SELE: variants seen among roughly 807,000 people sequenced by gnomAD.
The protein encoded by SELE is E-selectin.
A neutral mutation model predicts 75.8 loss-of-function variants in SELE; 52 were observed. That is an observed-to-expected ratio of 0.69 (90% CI 0.55 to 0.86). The LOEUF (loss-of-function observed/expected upper bound fraction) is 0.86. Ranked by LOEUF, SELE falls within the 40% of genes least tolerant of loss-of-function variation. The pLI is 0.00. For missense variants in SELE, 754 were observed against 732.7 expected (o/e 1.03, Z -0.34); for synonymous variants, 285 against 258.7 (o/e 1.10, Z -0.98).
Position 169,729,264 on chromosome 1 carries a change from C to A in SELE, c.1012G>T (p.Gly338Cys), listed in dbSNP as rs772002165. ...TGGGCTGGTCCCTGCAACATGAAGC[C>A]TTCCTCACAGGTGAAGTTGCAGGAT... ...KSSCNFTCEE[G>C]FMLQGPAQVE... Residue 338 changes from glycine to cysteine, a missense_variant, in exon 7 of 14, where the codon GGC (glycine) becomes TGC (cysteine). Transcript: ENST00000333360. 1 of 1,614,170 alleles carries A rather than the reference C, an allele frequency of 6.2e-7. No homozygotes were observed. The highest frequency in any genetic ancestry group is 1.3e-5 in the African/African-American group (1 of 75,056).
Position 169,728,171 on chromosome 1 carries a change from C to G in SELE, c.1166G>C (p.Arg389Pro), listed in dbSNP as rs139137736. Reference protein sequence around the residue: ...NCLPSASGSFRYGSSCEFSCE... With the variant: ...NCLPSASGSFPYGSSCEFSCE... ...GGAGAACTCACAGCTGGACCCATAA[C>G]GGAAACTGCCAGAAGCACTAGGAAG... The change falls in exon 8 of 14, where the codon CGT (arginine) becomes CCT (proline). Residue 389 changes from arginine (R) to proline (P), a missense_variant. By Grantham distance (103) the Arg-to-Pro change is moderately radical. Coordinates refer to ENST00000333360, the MANE Select transcript of SELE (RefSeq NM_000450.2). 1 of 1,614,188 alleles carries G rather than the reference C, an allele frequency of 6.2e-7. No individual in the cohort carries two copies. Among genetic ancestry groups the G allele is most frequent in the African/African-American group, 1.3e-5 (1 of 75,044 alleles).
At chr1:169,726,400 C>G (rs774020691) in intron 11 of SELE, among the ~76,000 whole-genome samples, 4 of 152,112 alleles carry the variant, frequency 2.6e-5, no homozygotes, top group African/African-American at 4.8e-5. Context: ...ATCCATTTTC[C>G]TTAGAGTGCT....
rs1648687416 is a variant in SELE at position 169,724,058 on chromosome 1, T to C, written c.*467A>G. 1 of 152,198 alleles carries C rather than the reference T, an allele frequency of 6.6e-6. No individual in the cohort carries two copies. The highest frequency in any genetic ancestry group is 2.1e-4 in the South Asian group (1 of 4,834). 9.4% of individuals were successfully genotyped at this position (152,198 alleles called of 1,614,324 possible). On this transcript the variant is annotated 3_prime_UTR_variant, in exon 14 of 14. Coordinates refer to ENST00000333360, the MANE Select transcript of SELE (RefSeq NM_000450.2). ...TTTTAAGTTATAATATTTTTAGTCA[T>C]TTTTTTCCTCTAAACTCTGGATAAT...
chr1:169,730,380 A>G, intron 5 of SELE, 52 bp downstream of exon 5: 6 of 1,392,208 alleles, frequency 4.3e-6, no homozygotes, highest in Non-Finnish European at 5.8e-6. Flanking sequence ...AAAAAACAGA[A>G]GCAATGAGGG....
chr1:169,733,733 G>A (rs1648976423), intron 1 of SELE, 73 bp from the exon 2 acceptor site: 4 of 948,462 alleles, frequency 4.2e-6, no homozygotes, highest in African/African-American at 3.2e-5. Context: ...CTACCATGAT[G>A]TTTAAGGCAG....
chr1:169,729,111 G>GTTTTTTT, intron 7 of SELE, 75 bp downstream of exon 7: 1 of 1,227,838 alleles, frequency 8.1e-7, no homozygotes, highest in Non-Finnish European at 1.1e-6. Flanking sequence ...GTGGGTATTG[G>GTTTTTTT]TTTTTTTTTT....
chr1:169,727,996 A>C, intron 8 of SELE, 62 bp downstream of exon 8: 1 of 1,586,946 alleles, frequency 6.3e-7, no homozygotes, highest in Non-Finnish European at 8.6e-7. Context: ...CAAGGTAACC[A>C]AGTTCCCAAG....
At chr1:169,724,600 C>T (rs183917841) in intron 13 of SELE, 91 bp from the exon 14 acceptor site, 1 of 152,332 alleles carries the variant, frequency 6.6e-6, no homozygotes, top group East Asian at 1.9e-4. Flanking sequence ...CAGACACTCT[C>T]ACTAGGATAG....
intron 8 of SELE, 44 bp downstream of exon 8, chr1:169,728,014 A>ATAGTTC: frequency 6.3e-7 from 1 of 1,584,564 alleles, no homozygotes; most frequent in Non-Finnish European, 8.5e-7. Context: ...AAGCTCTTCA[A>ATAGTTC]TAGTTCTTTT....
In SELE at chr1:169,729,471, A is replaced by G. The variant is rs746869753; in HGVS notation, c.901+17T>C. On this transcript the variant is annotated intron_variant, in intron 6 of 13. Coordinates refer to ENST00000333360, the MANE Select transcript of SELE (RefSeq NM_000450.2). ...GAAAGAATGTTCACAGTAAGTCTCC[A>G]TGTGGAACAACTCTACCTTTACACG... The G allele has an allele frequency of 2.8e-5, 45 of 1,612,924 alleles. No homozygotes were observed. The highest frequency in any genetic ancestry group is 3.8e-5 in the Non-Finnish European group (45 of 1,179,234).
At chr1:169,731,722 T>G (rs1233966330) in intron 4 of SELE, 113 bp downstream of exon 4, 2 of 692,322 alleles carry the variant, frequency 2.9e-6, no homozygotes, top group African/African-American at 1.8e-5. Context: ...GATCACCATA[T>G]GACACCATCT....
rs1218756399 is a variant in SELE, at chr1:169,726,030, C to T, written c.1754-102G>A. 4 of 1,337,398 alleles carry T rather than the reference C, an allele frequency of 3.0e-6. No individual in the cohort carries two copies. In the East Asian group the frequency reaches 9.6e-5, roughly 32 times the overall value. The allele number at this position is 1,337,398 out of a possible 1,614,324, so 82.8% of individuals were successfully genotyped here. A position where few individuals can be genotyped will look rare whatever the true frequency, so the allele number is the denominator to read the frequency against. On this transcript the variant is annotated intron_variant, in intron 11 of 13. Coordinates refer to ENST00000333360, the MANE Select transcript of SELE (RefSeq NM_000450.2). ...GACTTAATTCATCAAGTGTTGCAAA[C>T]TCGATGCTTCAGGGCCTCTGTAATA...
At chr1:169,733,409 G>A (rs1403660181) in intron 2 of SELE, among the ~76,000 whole-genome samples, 167 bp downstream of exon 2, 1 of 152,186 alleles carries the variant, frequency 6.6e-6, no homozygotes, top group Non-Finnish European at 1.5e-5. Flanking sequence ...GAGACACCAA[G>A]AGGTAAAGTA....
At position 169,729,168 on chromosome 1, in the gene SELE, G is replaced by T. The variant is rs762687146; in HGVS notation, c.1090+18C>A. 2 of 1,569,014 alleles carry T rather than the reference G, an allele frequency of 1.3e-6. No homozygotes were observed. Among genetic ancestry groups the T allele is most frequent in the East Asian group, 2.3e-5 (1 of 43,980 alleles). ...GTTGTTCTTTAAGAAAGTATAAATCGAAGGATCTCAAGCTTACCTTCACAA... is the reference window on the plus strand; with the variant it reads ...GTTGTTCTTTAAGAAAGTATAAATCTAAGGATCTCAAGCTTACCTTCACAA... On this transcript the variant is annotated intron_variant, in intron 7 of 13. Coordinates refer to ENST00000333360, the MANE Select transcript of SELE (RefSeq NM_000450.2).
chr1:169,730,008 G>A (rs1052899690), intron 5 of SELE, among the ~76,000 whole-genome samples: 12 of 152,094 alleles, frequency 7.9e-5, no homozygotes, highest in African/African-American at 2.9e-4. Context: ...GCCCATCAGA[G>A]CCTGAAGAAC....
At position 169,726,820 on chromosome 1, in the gene SELE, A is replaced by G. The variant is rs747535970; in HGVS notation, c.1646-14T>C. 21 of 1,571,254 alleles carry G rather than the reference A, an allele frequency of 1.3e-5. No homozygotes were observed. In the East Asian group the frequency reaches 1.6e-4, roughly 12 times the overall value. ...ACTCAGTGGGAGCTAAGGAAGTAAGAGACGAAGAAAGGTCATGAGGAAGAA... is the reference window on the plus strand; with the variant it reads ...ACTCAGTGGGAGCTAAGGAAGTAAGGGACGAAGAAAGGTCATGAGGAAGAA... On this transcript the variant is annotated splice_polypyrimidine_tract_variant and intron_variant, in intron 10 of 13. Transcript: ENST00000333360.
Position 169,727,534 on chromosome 1 carries a change from G to A in SELE, c.1469-9C>T. The A allele has an allele frequency of 6.2e-7, 1 of 1,609,572 alleles. No homozygotes were observed. Among genetic ancestry groups the A allele is most frequent in the East Asian group, 2.2e-5 (1 of 44,812 alleles). ...GCTTGAACATTTTACCACTGCAAAT[G>A]TTAGGTACACAGGCAGAGTTTCAGA... On this transcript the variant is annotated splice_polypyrimidine_tract_variant and intron_variant, in intron 9 of 13. Coordinates refer to ENST00000333360, the MANE Select transcript of SELE (RefSeq NM_000450.2).
intron 8 of SELE, 42 bp downstream of exon 8, chr1:169,728,016 A>C (rs750031628): frequency 5.4e-5 from 86 of 1,583,226 alleles, no homozygotes; most frequent in Non-Finnish European, 7.3e-5. Flanking sequence ...GCTCTTCAAT[A>C]GTTCTTTTTA....
In SELE at chr1:169,728,093, G is replaced by C. The variant is rs1424565611; in HGVS notation, c.1244C>G (p.Thr415Arg). Residue 415 changes from threonine to arginine, a missense_variant, in exon 8 of 14, where the codon ACA becomes AGA. By Grantham distance (71) the Thr-to-Arg change is moderately conservative. Coordinates refer to ENST00000333360, the MANE Select transcript of SELE (RefSeq NM_000450.2). ...KGSKRLQCGP[T>R]GEWDNEKPTC... Reference sequence around the variant, plus strand: ...GGGCTTCTCGTTGTCCCACTCCCCTGTGGGGCCACATTGGAGCCTTTTGGA... The same window carrying C: ...GGGCTTCTCGTTGTCCCACTCCCCTCTGGGGCCACATTGGAGCCTTTTGGA... 1.7e-5 allele frequency: 27 copies of C among 1,614,028 alleles called. No individual in the cohort carries two copies. Among genetic ancestry groups the C allele is most frequent in the Non-Finnish European group, 2.2e-5 (26 of 1,180,016 alleles).
Sources: allele counts gnomAD v4.1 joint callset (sites outside exome capture counted in the v4.1 genomes callset), GRCh38; gene constraint gnomAD v4.1.1; transcripts MANE v1.5; gene names NCBI Gene and HGNC (gene_info 2026-07-23, HGNC 2026-07-21).